ODAD2: variants seen among roughly 807,000 people sequenced by gnomAD.
ODAD2 encodes the protein outer dynein arm-docking complex subunit 2.
ODAD2 carries 89 observed loss-of-function variants against 106.8 expected under a neutral mutation model. The observed-to-expected ratio is 0.83, with a 90% CI of 0.70 to 0.99. ODAD2 has a LOEUF of 0.99. Ranked by LOEUF, ODAD2 falls within the 50% of genes least tolerant of loss-of-function variation. The pLI is 0.00. For synonymous variants in ODAD2, 404 were observed against 436.2 expected, an observed-to-expected ratio of 0.93 and a Z score of 0.92; for missense variants, 1,168 against 1,238.5, an observed-to-expected ratio of 0.94 and a Z score of 0.85.
chr10:27,942,461 G>A (rs1846529128), intron 12 of ODAD2, among the ~76,000 whole-genome samples: 1 of 152,124 alleles, frequency 6.6e-6, no homozygotes, highest in Non-Finnish European at 1.5e-5. Context: ...AACTGGTTTT[G>A]TTACATGTTG....
chr10:27,894,134 C>T (rs936488253), intron 17 of ODAD2, among the ~76,000 whole-genome samples: 1 of 151,904 alleles, frequency 6.6e-6, no homozygotes, highest in African/African-American at 2.4e-5. Flanking sequence ...GAGTGAGACA[C>T]CATCTCTAAA....
intron 17 of ODAD2, among the ~76,000 whole-genome samples, chr10:27,876,232 C>T (rs924504432): frequency 5.3e-5 from 8 of 152,254 alleles, no homozygotes; most frequent in Admixed American, 1.3e-4. Context: ...GATCTGAGAA[C>T]GGACAGACTG....
At chr10:27,829,066 A>G (rs951937619) in intron 19 of ODAD2, among the ~76,000 whole-genome samples, 1 of 152,208 alleles carries the variant, frequency 6.6e-6, no homozygotes, top group Non-Finnish European at 1.5e-5. Flanking sequence ...ATAAAATTAG[A>G]ACAGATATTA....
intron 5 of ODAD2, 93 bp from the exon 6 acceptor site, chr10:27,984,072 T>C: frequency 6.5e-7 from 1 of 1,533,816 alleles, no homozygotes; most frequent in South Asian, 1.2e-5. Flanking sequence ...TGTGGAAATT[T>C]TAAGCTTTCC....
chr10:27,902,570 AAG>A (rs1254212097), intron 17 of ODAD2, among the ~76,000 whole-genome samples: 1 of 152,190 alleles, frequency 6.6e-6, no homozygotes, highest in East Asian at 1.9e-4. Context: ...TAAAAAAGAA[AAG>A]AGAGAAGAAT....
intron 16 of ODAD2, among the ~76,000 whole-genome samples, chr10:27,914,336 A>G (rs1243202842): frequency 3.3e-5 from 5 of 152,058 alleles, no homozygotes; most frequent in Non-Finnish European, 4.4e-5. Flanking sequence ...TTTTCATTGT[A>G]TAACAATCTG....
chr10:27,815,102 C>A (rs891139333), intron 19 of ODAD2, among the ~76,000 whole-genome samples: 3 of 152,192 alleles, frequency 2.0e-5, no homozygotes, highest in African/African-American at 7.2e-5. Context: ...AACAACTCTA[C>A]CTAAAACGGC....
intron 17 of ODAD2, among the ~76,000 whole-genome samples, chr10:27,906,070 T>A (rs1843564794): frequency 6.6e-6 from 1 of 151,938 alleles, no homozygotes; most frequent in Non-Finnish European, 1.5e-5. Flanking sequence ...ATCATCAGAG[T>A]GAACAGGCAA....
chr10:27,889,446 A>G (rs1842426647), intron 17 of ODAD2, among the ~76,000 whole-genome samples: 1 of 152,210 alleles, frequency 6.6e-6, no homozygotes, highest in African/African-American at 2.4e-5. Context: ...AATCATCGTA[A>G]GTGATTCTCT....
At chr10:27,994,755 T>C (rs1200449937) in intron 2 of ODAD2, among the ~76,000 whole-genome samples, 164 bp downstream of exon 2, 1 of 152,192 alleles carries the variant, frequency 6.6e-6, no homozygotes, top group Admixed American at 6.5e-5. Context: ...TTGGCCAAGC[T>C]GAATATCCTC....
At chr10:27,886,069 A>C (rs1336441270) in intron 17 of ODAD2, among the ~76,000 whole-genome samples, 4 of 150,374 alleles carry the variant, frequency 2.7e-5, no homozygotes, top group African/African-American at 9.8e-5. Flanking sequence ...AAACCAAAAC[A>C]ACAAACAAAA....
intron 6 of ODAD2, among the ~76,000 whole-genome samples, chr10:27,983,515 T>C (rs1849685850): frequency 6.6e-6 from 1 of 152,242 alleles, no homozygotes; most frequent in South Asian, 2.1e-4. Context: ...ATCTGTATTA[T>C]CTCAATGTTT....
rs559125507 is a variant in ODAD2, at chr10:27,936,407, G to A, written c.2252+319C>T. Among the ~76,000 whole-genome samples the A allele has an allele frequency of 1.6e-4, 25 of 152,166 alleles. No homozygotes were observed. The East Asian group carries it at 3.5e-3, about 21-fold the overall frequency. ...TCTCTAAAGATTCCATGGGAAATCC[G>A]CCCACTCACCTTGATAGGTCCCCAC... On this transcript the variant is annotated intron_variant, in intron 15 of 19. Coordinates refer to ENST00000305242, the MANE Select transcript of ODAD2 (RefSeq NM_018076.5).
chr10:27,976,263 A>T (rs958689402), intron 7 of ODAD2, among the ~76,000 whole-genome samples: 5 of 152,232 alleles, frequency 3.3e-5, no homozygotes, highest in South Asian at 2.1e-4. Context: ...AAAAAGAAAT[A>T]AAAAAACTGT....
At chr10:27,976,882 T>C (rs1475168772) in intron 7 of ODAD2, among the ~76,000 whole-genome samples, 1 of 152,172 alleles carries the variant, frequency 6.6e-6, no homozygotes, top group Non-Finnish European at 1.5e-5. Context: ...GTGGTATTGG[T>C]GTAAAAATAG....
intron 16 of ODAD2, among the ~76,000 whole-genome samples, chr10:27,921,534 C>T (rs1844779485): frequency 6.7e-6 from 1 of 150,318 alleles, no homozygotes; most frequent in African/African-American, 2.5e-5. Flanking sequence ...AAAAAAAAAT[C>T]CTTATCAGTC....
intron 17 of ODAD2, among the ~76,000 whole-genome samples, chr10:27,872,482 G>A (rs1194823926): frequency 6.6e-6 from 1 of 151,892 alleles, no homozygotes; most frequent in East Asian, 1.9e-4. Flanking sequence ...GGATGATATT[G>A]GCTGTGGGTT....
intron 19 of ODAD2, among the ~76,000 whole-genome samples, chr10:27,840,355 G>T (rs1838216868): frequency 6.6e-6 from 1 of 152,180 alleles, no homozygotes; most frequent in African/African-American, 2.4e-5. Flanking sequence ...CATGTCAGTT[G>T]GTTCAGAAAT....
At chr10:27,899,576 C>T (rs187762126) in intron 17 of ODAD2, among the ~76,000 whole-genome samples, 21 of 152,296 alleles carry the variant, frequency 1.4e-4, no homozygotes, top group African/African-American at 4.8e-4. Context: ...TTGAAATTCT[C>T]GCTGTGAGCA....
Sources: gnomAD v4.1 joint callset for allele counts (sites outside exome capture counted in the v4.1 genomes callset) on GRCh38, gnomAD v4.1.1 for gene constraint, MANE v1.5 for transcripts, NCBI Gene and HGNC (gene_info 2026-07-23, HGNC 2026-07-21) for gene names.